Variants in CNTNAP4 observed in about 807,000 individuals in gnomAD.
CNTNAP4 encodes the protein contactin associated protein family member 4.
CNTNAP4 carries 98 observed loss-of-function variants against 148.4 expected under a neutral mutation model. That is an observed-to-expected ratio of 0.66 (90% CI 0.56 to 0.78). The LOEUF (loss-of-function observed/expected upper bound fraction) is 0.78, where lower values mean the gene tolerates loss of function less well. Among genes scored for constraint, CNTNAP4 ranks in the 30% least tolerant of loss-of-function variants. CNTNAP4 has a pLI of 0.00. For missense variants in CNTNAP4, 1,935 were observed against 1,565.6 expected (o/e 1.24, Z -3.98); for synonymous variants, 730 against 565.1 (o/e 1.29, Z -4.14).
intron 3 of CNTNAP4, among the ~76,000 whole-genome samples, chr16:76,357,535 T>A (rs2012844950): frequency 6.6e-6 from 1 of 152,258 alleles, no homozygotes; most frequent in Non-Finnish European, 1.5e-5. Context: ...CATTGCTTTC[T>A]AGACTCTGCT....
At chr16:76,390,410 C>G (rs372230169) in intron 3 of CNTNAP4, among the ~76,000 whole-genome samples, 2 of 152,022 alleles carry the variant, frequency 1.3e-5, no homozygotes, top group East Asian at 3.9e-4. Context: ...GGGGTCTGGA[C>G]TATATCCTTT....
intron 10 of CNTNAP4, among the ~76,000 whole-genome samples, chr16:76,475,575 C>A (rs1274922166): frequency 6.6e-6 from 1 of 152,236 alleles, no homozygotes; most frequent in African/African-American, 2.4e-5. Context: ...TATCTGTATT[C>A]CTTCTTTCAG....
intron 4 of CNTNAP4, among the ~76,000 whole-genome samples, chr16:76,445,793 A>G (rs1423246786): frequency 6.6e-6 from 1 of 152,192 alleles, no homozygotes; most frequent in East Asian, 1.9e-4. Flanking sequence ...CTAAAATGAA[A>G]TCATTACTGT....
rs1462228529 is a variant in CNTNAP4, at chr16:76,558,711, A to G, written c.*28A>G. On this transcript the variant is annotated 3_prime_UTR_variant, in exon 24 of 24. Transcript: ENST00000611870. Reference sequence around the variant, plus strand: ...GGCAGCTATGATTTAACATAAAATTATGATAGTTTGTTTTAATAGCCAGGG... The same window carrying G: ...GGCAGCTATGATTTAACATAAAATTGTGATAGTTTGTTTTAATAGCCAGGG... 6.5e-7 allele frequency: 1 copy of G among 1,549,208 alleles called. No homozygotes were observed. Among genetic ancestry groups the G allele is most frequent in the Non-Finnish European group, 8.8e-7 (1 of 1,135,738 alleles).
chr16:76,375,234 TAACATGGTA>T (rs1162053976), intron 3 of CNTNAP4, among the ~76,000 whole-genome samples: 4 of 152,088 alleles, frequency 2.6e-5, no homozygotes, highest in African/African-American at 9.6e-5. Flanking sequence ...CCAGCCTGGT[TAACATGGTA>T]AAACCCTGTC....
intron 3 of CNTNAP4, among the ~76,000 whole-genome samples, chr16:76,398,579 A>T (rs563581188): frequency 3.9e-5 from 6 of 152,236 alleles, no homozygotes; most frequent in African/African-American, 1.4e-4. Context: ...AACTGGAGAC[A>T]CATTCACTAG....
At chr16:76,539,574 C>A in intron 19 of CNTNAP4, 145 bp from the exon 20 acceptor site, 2 of 651,584 alleles carry the variant, frequency 3.1e-6, no homozygotes, top group Non-Finnish European at 5.1e-6. Context: ...CACTTGGAAA[C>A]TGACTCTTGG....
chr16:76,409,546 A>T (rs947534215), intron 3 of CNTNAP4, among the ~76,000 whole-genome samples: 1 of 152,040 alleles, frequency 6.6e-6, no homozygotes, highest in African/African-American at 2.4e-5. Flanking sequence ...CACTGGCTGA[A>T]GTATAATTTC....
intron 8 of CNTNAP4, among the ~76,000 whole-genome samples, chr16:76,457,351 A>C (rs1216478894): frequency 6.6e-6 from 1 of 152,244 alleles, no homozygotes; most frequent in Non-Finnish European, 1.5e-5. Flanking sequence ...CATCATAGGC[A>C]AATAATGTTT....
chr16:76,451,579 A>G (rs979762246), intron 7 of CNTNAP4, among the ~76,000 whole-genome samples: 7 of 146,246 alleles, frequency 4.8e-5, no homozygotes, highest in African/African-American at 1.7e-4. Context: ...TTAAAATAAA[A>G]ATAAAAATAT....
At chr16:76,398,716 A>G (rs930652886) in intron 3 of CNTNAP4, among the ~76,000 whole-genome samples, 3 of 152,200 alleles carry the variant, frequency 2.0e-5, no homozygotes, top group African/African-American at 4.8e-5. Context: ...GTGCCAACAC[A>G]TGATACTATC....
At chr16:76,378,087 A>G (rs958877154) in intron 3 of CNTNAP4, among the ~76,000 whole-genome samples, 2 of 152,196 alleles carry the variant, frequency 1.3e-5, no homozygotes, top group Non-Finnish European at 1.5e-5. Flanking sequence ...CTCATTTTAT[A>G]ACAATATTAA....
At chr16:76,342,250 TC>T (rs1174090749) in intron 2 of CNTNAP4, among the ~76,000 whole-genome samples, 1 of 152,134 alleles carries the variant, frequency 6.6e-6, no homozygotes, top group East Asian at 1.9e-4. Context: ...AAATATTACA[TC>T]CAGGCTTGCA....
At chr16:76,434,941 T>A (rs1041141791) in intron 4 of CNTNAP4, among the ~76,000 whole-genome samples, 1 of 152,190 alleles carries the variant, frequency 6.6e-6, no homozygotes, top group African/African-American at 2.4e-5. Context: ...ACCACAATGA[T>A]GTTTTAGGTC....
intron 10 of CNTNAP4, among the ~76,000 whole-genome samples, chr16:76,471,124 A>T (rs2081358499): frequency 1.3e-5 from 2 of 152,116 alleles, no homozygotes; most frequent in South Asian, 4.1e-4. Flanking sequence ...ATACACACAC[A>T]CACACACTCT....
At chr16:76,337,481 G>A (rs769660838) in intron 2 of CNTNAP4, among the ~76,000 whole-genome samples, 22 of 152,268 alleles carry the variant, frequency 1.4e-4, no homozygotes, top group Non-Finnish European at 2.5e-4. Flanking sequence ...AGGGGTGTAC[G>A]AATAGGGAGT....
intron 2 of CNTNAP4, among the ~76,000 whole-genome samples, chr16:76,351,410 C>T (rs534944654): frequency 2.6e-4 from 39 of 152,214 alleles, no homozygotes; most frequent in African/African-American, 9.4e-4. Context: ...ATCTCTATCG[C>T]TCAGTCTATC....
intron 15 of CNTNAP4, among the ~76,000 whole-genome samples, chr16:76,506,476 C>CTTTT (rs1237064108): frequency 1.4e-4 from 6 of 43,126 alleles, no homozygotes; most frequent in Non-Finnish European, 2.8e-4. Context: ...TCTTCCGTTC[C>CTTTT]TTTTTTTTTT....
At position 76,317,305 on chromosome 16, in the gene CNTNAP4, CCA is replaced by C. The variant is rs1491445786; in HGVS notation, c.196+783_196+784del. ...AAAAAAAAAAAACCCAAAAAACCCC[CCA>C]AAAAAAAAAACTCAGTTCATCTTAG... On this transcript the variant is annotated intron_variant, in intron 2 of 23. Coordinates refer to ENST00000611870, the MANE Select transcript of CNTNAP4 (RefSeq NM_033401.5). Among the ~76,000 whole-genome samples the C allele has an allele frequency of 9.0e-3, 716 of 79,328 alleles. 4 individuals carry two copies. Among genetic ancestry groups the C allele is most frequent in the African/African-American group, 0.024 (655 of 27,156 alleles). 52.0% of individuals were successfully genotyped at this position (79,328 alleles called of 152,430 possible).
Sources: allele counts gnomAD v4.1 joint callset (sites outside exome capture counted in the v4.1 genomes callset), GRCh38; gene constraint gnomAD v4.1.1; transcripts MANE v1.5; gene names NCBI Gene and HGNC (gene_info 2026-07-23, HGNC 2026-07-21).